Variants in CALN1 observed in about 807,000 individuals in gnomAD.
CALN1 encodes the protein calcium-binding protein 8.
CALN1 carries 17 observed loss-of-function variants against 30.6 expected under a neutral mutation model. The observed-to-expected ratio is 0.56, with a 90% CI of 0.38 to 0.83. CALN1 has a LOEUF of 0.83. Among genes scored for constraint, CALN1 ranks in the 40% least tolerant of loss-of-function variants. The probability of loss-of-function intolerance (pLI) is 0.00; values close to 1 mark genes in which losing one functional copy is unlikely to be tolerated. For missense variants in CALN1, 291 were observed against 354.9 expected, an observed-to-expected ratio of 0.82 and a Z score of 1.45; for synonymous variants, 156 against 131.4, an observed-to-expected ratio of 1.19 and a Z score of -1.28.
chr7:71,804,424 T>G lies in CALN1; in HGVS notation c.658+5912A>C, dbSNP rs1227784214. ...TCAGGAGGCTGAAGCAGGAGGATTG[T>G]GTGAGCCTGGGAATTCCAGGCTTTA... On this transcript the variant is annotated intron_variant, in intron 6 of 6. Coordinates refer to ENST00000395275, the MANE Select transcript of CALN1 (RefSeq NM_031468.4). 1.3e-5 allele frequency among the ~76,000 whole-genome samples: 2 copies of G among 151,842 alleles called. 1 individual carries two copies. Among genetic ancestry groups the G allele is most frequent in the Non-Finnish European group, 2.9e-5 (2 of 67,958 alleles).
At chr7:72,188,428 A>C (rs1790362193) in intron 3 of CALN1, among the ~76,000 whole-genome samples, 2 of 152,162 alleles carry the variant, frequency 1.3e-5, no homozygotes, top group Admixed American at 1.3e-4. Flanking sequence ...GGAGACTACT[A>C]GTCTAAGTGA....
In CALN1 at chr7:72,198,644, A is replaced by G. The variant is rs77922000; in HGVS notation, c.244+80042T>C. 2.8e-3 allele frequency among the ~76,000 whole-genome samples: 423 copies of G among 152,182 alleles called. 3 individuals are homozygous for G. The highest frequency in any genetic ancestry group is 9.7e-3 in the African/African-American group (402 of 41,518). On this transcript the variant is annotated intron_variant, in intron 3 of 6. Coordinates refer to ENST00000395275, the MANE Select transcript of CALN1 (RefSeq NM_031468.4). ...AATTCTACCTTCTACCAACTGTGAC[A>G]TTTATAGCATGGGACCCACCTAAAA...
At chr7:72,329,910 C>T (rs541194612) in intron 2 of CALN1, among the ~76,000 whole-genome samples, 12 of 151,968 alleles carry the variant, frequency 7.9e-5, no homozygotes, top group African/African-American at 2.4e-4. Flanking sequence ...GCCGAGATCG[C>T]GCCACTGCAT....
At chr7:72,341,606 C>G (rs954391430) in intron 2 of CALN1, among the ~76,000 whole-genome samples, 1 of 152,148 alleles carries the variant, frequency 6.6e-6, no homozygotes, top group African/African-American at 2.4e-5. Context: ...AATGTGGGGG[C>G]CTCCCACATA....
intron 6 of CALN1, among the ~76,000 whole-genome samples, chr7:71,802,198 G>C (rs77047298): frequency 3.9e-5 from 6 of 152,058 alleles, no homozygotes; most frequent in African/African-American, 1.2e-4. Context: ...CACTTAATAA[G>C]AATCTGGTGA....
At chr7:72,266,966 C>T (rs1030377029) in intron 3 of CALN1, among the ~76,000 whole-genome samples, 5 of 152,134 alleles carry the variant, frequency 3.3e-5, no homozygotes, top group Admixed American at 1.3e-4. Context: ...AAGCTAATTC[C>T]CAGCTCAGGG....
chr7:72,500,269 C>CTTTTTTTTTT, the CALN1 span, among the ~76,000 whole-genome samples: 585 of 51,396 alleles, frequency 0.011, 142 homozygotes, highest in African/African-American at 0.013. Context: ...TTCGTTCCTT[C>CTTTTTTTTTT]TTTTTTTTTT....
chr7:71,896,565 G>A (rs573911614), intron 5 of CALN1, among the ~76,000 whole-genome samples: 1 of 152,258 alleles, frequency 6.6e-6, no homozygotes, highest in Admixed American at 6.5e-5. Context: ...CACAATGAAA[G>A]GCCTGTGATG....
chr7:71,909,945 TG>T (rs1327437975), intron 5 of CALN1, among the ~76,000 whole-genome samples: 5 of 152,206 alleles, frequency 3.3e-5, no homozygotes, highest in African/African-American at 1.2e-4. Flanking sequence ...TCAGCATGGC[TG>T]GGGAGGCCTC....
chr7:72,349,304 G>A (rs1802806949), intron 2 of CALN1, among the ~76,000 whole-genome samples: 1 of 151,604 alleles, frequency 6.6e-6, no homozygotes, highest in East Asian at 1.9e-4. Context: ...GTGTGTGTGT[G>A]TGTGTGTGTG....
intron 5 of CALN1, among the ~76,000 whole-genome samples, chr7:71,871,141 G>A (rs893846071): frequency 6.6e-6 from 1 of 152,162 alleles, no homozygotes; most frequent in East Asian, 1.9e-4. Flanking sequence ...ACAGCTGTTA[G>A]CTCATTAAGT....
intron 4 of CALN1, among the ~76,000 whole-genome samples, chr7:72,077,749 C>A (rs1401865395): frequency 6.6e-6 from 1 of 152,192 alleles, no homozygotes; most frequent in Admixed American, 6.5e-5. Context: ...TAAGACCACA[C>A]CCATTGTGCT....
upstream of CALN1, among the ~76,000 whole-genome samples, chr7:72,448,572 C>T (rs576968783): frequency 5.8e-4 from 88 of 152,116 alleles, no homozygotes; most frequent in South Asian, 1.9e-3. Context: ...TCGGTTTTTC[C>T]GAGATCTTTC....
At chr7:71,965,072 G>A (rs1044558372) in intron 5 of CALN1, among the ~76,000 whole-genome samples, 3 of 152,082 alleles carry the variant, frequency 2.0e-5, no homozygotes, top group Admixed American at 2.0e-4. Context: ...CTGTCCCCCA[G>A]GCTAGAGTGC....
At chr7:71,909,553 T>C (rs1794317381) in intron 5 of CALN1, among the ~76,000 whole-genome samples, 1 of 152,224 alleles carries the variant, frequency 6.6e-6, no homozygotes, top group South Asian at 2.1e-4. Context: ...AATAATAATA[T>C]TCTAAGTCTG....
intron 5 of CALN1, among the ~76,000 whole-genome samples, chr7:71,861,995 C>T (rs1198731909): frequency 6.6e-6 from 1 of 152,144 alleles, no homozygotes; most frequent in East Asian, 1.9e-4. Flanking sequence ...CCTTAAGGTG[C>T]TAGCTTGTGA....
chr7:72,292,098 T>A (rs1311681664), intron 2 of CALN1, among the ~76,000 whole-genome samples: 1 of 152,042 alleles, frequency 6.6e-6, no homozygotes, highest in Non-Finnish European at 1.5e-5. Flanking sequence ...CAAGAATAAT[T>A]GCAGTTATTG....
intron 2 of CALN1, among the ~76,000 whole-genome samples, chr7:72,318,902 AAAG>A (rs1800679953): frequency 6.6e-6 from 1 of 151,944 alleles, no homozygotes; most frequent in Non-Finnish European, 1.5e-5. Context: ...ATGTGGAGAA[AAAG>A]AATGTTTATA....
At chr7:72,207,052 A>C (rs1791936465) in intron 3 of CALN1, among the ~76,000 whole-genome samples, 1 of 152,236 alleles carries the variant, frequency 6.6e-6, no homozygotes, top group South Asian at 2.1e-4. Flanking sequence ...TATCAATGAT[A>C]AAATATCAAC....
Sources: allele counts gnomAD v4.1 joint callset (sites outside exome capture counted in the v4.1 genomes callset), GRCh38; gene constraint gnomAD v4.1.1; transcripts MANE v1.5; gene names NCBI Gene and HGNC (gene_info 2026-07-23, HGNC 2026-07-21).